Variants in CCDC30 observed in about 807,000 individuals in gnomAD.
The protein encoded by CCDC30 is coiled-coil domain containing 30, also known as coiled-coil domain-containing protein 30.
In CCDC30, 70 loss-of-function variants were observed where a neutral mutation model predicts 100.2. The observed-to-expected ratio is 0.70, with a 90% confidence interval of 0.58 to 0.85. CCDC30 has a LOEUF of 0.85. Ranked by LOEUF, CCDC30 falls within the 40% of genes least tolerant of loss-of-function variation. The probability of loss-of-function intolerance (pLI) is 0.00; values close to 1 mark genes in which losing one functional copy is unlikely to be tolerated. For synonymous variants in CCDC30, 233 were observed against 269.5 expected (o/e 0.86, Z 1.33); for missense variants, 652 against 771.2 (o/e 0.85, Z 1.83).
chr1:42,599,438 G>C (rs1646357970), intron 10 of CCDC30, among the ~76,000 whole-genome samples: 1 of 152,064 alleles, frequency 6.6e-6, no homozygotes, highest in Non-Finnish European at 1.5e-5. Flanking sequence ...GAGGACAACA[G>C]AATCATATAA....
intron 15 of CCDC30, among the ~76,000 whole-genome samples, chr1:42,646,589 T>C (rs1647900797): frequency 6.6e-6 from 1 of 152,198 alleles, no homozygotes; most frequent in Non-Finnish European, 1.5e-5. Flanking sequence ...GGTGGGACTC[T>C]GCTCTGTAAC....
At chr1:42,577,119 A>G (rs368345722) in exon 8 of CCDC30, 1 of 1,614,140 alleles carries the variant, frequency 6.2e-7, no homozygotes, top group African/African-American at 1.3e-5. Context: ...GCAGAAAATC[A>G]AGGAACTGGA....
At chr1:42,634,574 A>T (rs569675482) in intron 11 of CCDC30, among the ~76,000 whole-genome samples, 67 of 152,338 alleles carry the variant, frequency 4.4e-4, no homozygotes, top group African/African-American at 1.4e-3. Context: ...CTCATGCTCC[A>T]TGAGGTTTGG....
At chr1:42,514,049 A>G (rs766194500) in intron 6 of CCDC30, among the ~76,000 whole-genome samples, 1 of 152,148 alleles carries the variant, frequency 6.6e-6, no homozygotes, top group Non-Finnish European at 1.5e-5. Context: ...CTAATGCCCC[A>G]CCTCCAACAT....
rs1570273978 is a variant in CCDC30 at position 42,621,671 on chromosome 1, A to C, written c.1277+10581A>C. On this transcript the variant is annotated intron_variant, in intron 11 of 16. Transcript: ENST00000668663. Reference sequence around the variant, plus strand: ...GGACTACAGGCGCCTGCCACCACGCAGGCTAATTTTTTTGTATTTTTAATA... The same window carrying C: ...GGACTACAGGCGCCTGCCACCACGCCGGCTAATTTTTTTGTATTTTTAATA... Among the ~76,000 whole-genome samples the C allele has an allele frequency of 4.6e-5, 7 of 151,782 alleles. No individual in the cohort carries two copies. In the Middle Eastern group the frequency reaches 0.02, roughly 443 times the overall value.
chr1:42,459,996 C>T (rs1035910938), upstream of CCDC30: 12 of 1,501,724 alleles, frequency 8.0e-6, no homozygotes, highest in Middle Eastern at 2.5e-4. Flanking sequence ...CAAAAAAAAC[C>T]ATGGCTTTCA....
chr1:42,636,149 G>A (rs1570317030), intron 11 of CCDC30, among the ~76,000 whole-genome samples: 1 of 152,142 alleles, frequency 6.6e-6, no homozygotes, highest in East Asian at 1.9e-4. Flanking sequence ...GATTCACTGG[G>A]TGGCTTATGC....
chr1:42,456,261 G>C, the CCDC30 span: 1 of 600,386 alleles, frequency 1.7e-6, no homozygotes, highest in Admixed American at 3.0e-5. Context: ...AGAAAGGCCC[G>C]TACAGTGGCC....
At chr1:42,578,769 GT>G (rs1645897269) in intron 8 of CCDC30, among the ~76,000 whole-genome samples, 1 of 152,150 alleles carries the variant, frequency 6.6e-6, no homozygotes, top group African/African-American at 2.4e-5. Flanking sequence ...ATATAGTCAT[GT>G]TCATAATATC....
chr1:42,468,061 C>A (rs1041044565), intron 1 of CCDC30, among the ~76,000 whole-genome samples: 2 of 152,188 alleles, frequency 1.3e-5, no homozygotes, highest in Non-Finnish European at 2.9e-5. Flanking sequence ...GTATCCAATT[C>A]CTGTGTAGCC....
At chr1:42,622,418 C>T (rs113437400) in intron 11 of CCDC30, among the ~76,000 whole-genome samples, 2,216 of 152,214 alleles carry the variant, frequency 0.015, 48 homozygotes, top group African/African-American at 0.048. Context: ...GATATCTCTT[C>T]GATATACTGA....
intron 6 of CCDC30, among the ~76,000 whole-genome samples, chr1:42,512,040 G>T (rs1187158104): frequency 1.3e-5 from 2 of 152,200 alleles, no homozygotes; most frequent in Non-Finnish European, 2.9e-5. Context: ...TTAACTAAAA[G>T]TATTCCTTAC....
chr1:42,644,917 G>A, intron 14 of CCDC30, 110 bp downstream of exon 18: 1 of 697,528 alleles, frequency 1.4e-6, no homozygotes, highest in Non-Finnish European at 2.5e-6. Context: ...TGGGCTCTTG[G>A]CCTCATGGTA....
chr1:42,642,672 G>T (rs1458542609), intron 13 of CCDC30, 63 bp downstream of exon 17: 2 of 1,404,500 alleles, frequency 1.4e-6, no homozygotes, highest in African/African-American at 2.9e-5. Context: ...CCTCAACAAA[G>T]AGATGGTTCT....
At chr1:42,554,236 A>G (rs893844334) in intron 6 of CCDC30, among the ~76,000 whole-genome samples, 1 of 149,166 alleles carries the variant, frequency 6.7e-6, no homozygotes, top group Non-Finnish European at 1.5e-5. Flanking sequence ...AAACTCATTC[A>G]TATGCAATTA....
At chr1:42,642,246 A>AT (rs1017591065) in intron 12 of CCDC30, among the ~76,000 whole-genome samples, 2,404 of 148,488 alleles carry the variant, frequency 0.016, 64 homozygotes, top group African/African-American at 0.056. Flanking sequence ...CAAACAAAAA[A>AT]ATATATATAT....
chr1:42,497,778 C>A (rs1468711006), intron 5 of CCDC30, among the ~76,000 whole-genome samples: 4 of 152,106 alleles, frequency 2.6e-5, no homozygotes, highest in African/African-American at 9.7e-5. Context: ...ATCAAAACAA[C>A]AGAGAATAAC....
At chr1:42,529,611 C>A (rs1644776842) in intron 6 of CCDC30, 1 of 152,186 alleles carries the variant, frequency 6.6e-6, no homozygotes, top group South Asian at 2.1e-4. Flanking sequence ...GGAAAAGCCT[C>A]AAGATTTCTT....
chr1:42,616,812 C>T (rs1646735021), intron 11 of CCDC30, among the ~76,000 whole-genome samples: 1 of 152,338 alleles, frequency 6.6e-6, no homozygotes, highest in South Asian at 2.1e-4. Context: ...TTCTCACCAG[C>T]TGTACTGCAT....
Sources: allele counts gnomAD v4.1 joint callset (sites outside exome capture counted in the v4.1 genomes callset), GRCh38; gene constraint gnomAD v4.1.1; transcripts MANE v1.5; gene names NCBI Gene and HGNC (gene_info 2026-07-23, HGNC 2026-07-21).